PRKCA: variants seen among roughly 807,000 people sequenced by gnomAD.
The protein encoded by PRKCA is protein kinase C alpha.
In PRKCA, 27 loss-of-function variants were observed where a neutral mutation model predicts 87.0. The observed-to-expected ratio is 0.31, with a 90% CI of 0.23 to 0.43. The LOEUF is 0.43. Among genes scored for constraint, PRKCA ranks in the 20% least tolerant of loss-of-function variants. PRKCA has a pLI of 1.00. For missense variants in PRKCA, 518 were observed against 852.3 expected (o/e 0.61, Z 4.88); for synonymous variants, 329 against 311.1 (o/e 1.06, Z -0.61).
chr17:66,645,636 T>G (rs1598841442), intron 5 of PRKCA, 125 bp downstream of exon 5: 1 of 1,376,960 alleles, frequency 7.3e-7, no homozygotes, highest in South Asian at 1.4e-5. Flanking sequence ...GTCGCCCTGG[T>G]GGAGCCATCA....
intron 2 of PRKCA, among the ~76,000 whole-genome samples, chr17:66,354,749 T>G (rs1365931993): frequency 6.6e-6 from 1 of 152,224 alleles, no homozygotes; most frequent in African/African-American, 2.4e-5. Context: ...AATAGTAATG[T>G]GTCCTGTAGC....
At chr17:66,436,069 G>T (rs1257457714) in intron 2 of PRKCA, among the ~76,000 whole-genome samples, 1 of 152,098 alleles carries the variant, frequency 6.6e-6, no homozygotes, top group Admixed American at 6.5e-5. Flanking sequence ...GAAAAGGGGG[G>T]TCCCATTTTC....
intron 2 of PRKCA, among the ~76,000 whole-genome samples, chr17:66,425,428 TG>T (rs1467811730): frequency 1.3e-5 from 2 of 152,138 alleles, no homozygotes; most frequent in African/African-American, 4.8e-5. Flanking sequence ...TTCCCCACGG[TG>T]CTGTGATAGA....
chr17:66,724,314 G>A (rs1425862327), intron 8 of PRKCA, among the ~76,000 whole-genome samples: 1 of 151,098 alleles, frequency 6.6e-6, no homozygotes, highest in Non-Finnish European at 1.5e-5. Flanking sequence ...AAAAAGAACT[G>A]AACAGACATC....
chr17:66,613,188 C>T (rs997983331), intron 3 of PRKCA, among the ~76,000 whole-genome samples: 1 of 152,186 alleles, frequency 6.6e-6, no homozygotes, highest in Non-Finnish European at 1.5e-5. Context: ...GCAGCGGAGC[C>T]TTGACCGCTA....
intron 2 of PRKCA, among the ~76,000 whole-genome samples, chr17:66,432,149 C>G (rs992722815): frequency 4.6e-5 from 7 of 152,174 alleles, no homozygotes; most frequent in Non-Finnish European, 8.8e-5. Flanking sequence ...TGGCAGCTTT[C>G]CTCAGCAAAG....
chr17:66,765,418 C>CTGTATA (rs1555646685), intron 13 of PRKCA, among the ~76,000 whole-genome samples: 2 of 49,310 alleles, frequency 4.1e-5, no homozygotes, highest in African/African-American at 1.5e-4. Context: ...AAGACTTTGT[C>CTGTATA]TATATATATA....
intron 3 of PRKCA, among the ~76,000 whole-genome samples, chr17:66,555,906 G>A (rs1475484618): frequency 2.0e-5 from 3 of 152,054 alleles, no homozygotes; most frequent in African/African-American, 7.2e-5. Context: ...TTGGCAATGC[G>A]TGCTACTAAT....
intron 3 of PRKCA, among the ~76,000 whole-genome samples, chr17:66,547,635 G>T (rs372642365): frequency 6.6e-6 from 1 of 152,068 alleles, no homozygotes; most frequent in Non-Finnish European, 1.5e-5. Context: ...ACTATTCATT[G>T]TTAACTTCAT....
intron 2 of PRKCA, among the ~76,000 whole-genome samples, chr17:66,377,503 G>A (rs1245007497): frequency 1.4e-5 from 2 of 148,020 alleles, no homozygotes; most frequent in African/African-American, 2.5e-5. Context: ...ATGTATACAT[G>A]TATATACGTA....
chr17:66,615,380 G>C (rs952800246), intron 3 of PRKCA, among the ~76,000 whole-genome samples: 2 of 152,162 alleles, frequency 1.3e-5, no homozygotes, highest in Admixed American at 1.3e-4. Context: ...TAATGGGATT[G>C]TATTCTGTAG....
intron 2 of PRKCA, among the ~76,000 whole-genome samples, chr17:66,444,527 C>T (rs1598676988): frequency 6.6e-6 from 1 of 152,148 alleles, no homozygotes; most frequent in South Asian, 2.1e-4. Flanking sequence ...GGGCTCAGGA[C>T]TCAGAGCCCT....
chr17:66,549,141 G>GTTTTT (rs538579897), intron 3 of PRKCA, among the ~76,000 whole-genome samples: 1 of 138,582 alleles, frequency 7.2e-6, no homozygotes, highest in Non-Finnish European at 1.6e-5. Context: ...GTTTATGGCA[G>GTTTTT]TTTTTTTTTT....
intron 8 of PRKCA, among the ~76,000 whole-genome samples, chr17:66,729,168 T>C (rs1973825235): frequency 6.6e-6 from 1 of 152,180 alleles, no homozygotes; most frequent in African/African-American, 2.4e-5. Context: ...TACCAGCACT[T>C]TGGGAGGCCG....
intron 3 of PRKCA, among the ~76,000 whole-genome samples, chr17:66,521,656 G>A (rs1027523105): frequency 1.3e-5 from 2 of 152,148 alleles, no homozygotes; most frequent in Non-Finnish European, 2.9e-5. Context: ...ATTCTTTAGT[G>A]TGTTAAGTTA....
intron 2 of PRKCA, among the ~76,000 whole-genome samples, chr17:66,312,988 C>T (rs952971487): frequency 2.0e-5 from 3 of 152,060 alleles, no homozygotes; most frequent in African/African-American, 7.2e-5. Context: ...ATCTGCCTGC[C>T]TCGGCATCCC....
At chr17:66,364,708 C>T (rs745420261) in intron 2 of PRKCA, among the ~76,000 whole-genome samples, 72 of 152,130 alleles carry the variant, frequency 4.7e-4, no homozygotes, top group Non-Finnish European at 8.5e-4. Context: ...TTTGGGGTTT[C>T]CAGTTCTCCC....
chr17:66,494,525 A>T (rs1916382077), intron 2 of PRKCA, among the ~76,000 whole-genome samples: 2 of 152,206 alleles, frequency 1.3e-5, no homozygotes, highest in Non-Finnish European at 2.9e-5. Context: ...CAAAGCCCTC[A>T]TGGTGGAGTG....
At chr17:66,714,134 T>C (rs940638123) in intron 8 of PRKCA, among the ~76,000 whole-genome samples, 1 of 151,990 alleles carries the variant, frequency 6.6e-6, no homozygotes, top group Non-Finnish European at 1.5e-5. Flanking sequence ...TCTCGTGCGG[T>C]GGTGAAGTGA....
Sources: gnomAD v4.1 joint callset for allele counts (sites outside exome capture counted in the v4.1 genomes callset) on GRCh38, gnomAD v4.1.1 for gene constraint, MANE v1.5 for transcripts, NCBI Gene and HGNC (gene_info 2026-07-23, HGNC 2026-07-21) for gene names.